Variants in PDZD2 observed in about 807,000 individuals in gnomAD.
PDZD2 encodes PDZ domain containing 2, also known as PDZ domain-containing protein 2.
In PDZD2, 90 loss-of-function variants were observed where a neutral mutation model predicts 220.7. The observed-to-expected ratio is 0.41, with a 90% CI of 0.34 to 0.49. The LOEUF (loss-of-function observed/expected upper bound fraction) is 0.49, where lower values mean the gene tolerates loss of function less well. Ranked by LOEUF, PDZD2 falls within the 20% of genes least tolerant of loss-of-function variation. The pLI, the probability that PDZD2 is intolerant of heterozygous loss-of-function variation, is 0.28. For synonymous variants in PDZD2, 1,375 were observed against 1,450.5 expected (o/e 0.95, Z 1.18); for missense variants, 3,174 against 3,608.5 (o/e 0.88, Z 3.08).
intron 1 of PDZD2, among the ~76,000 whole-genome samples, chr5:31,661,916 A>G (rs1745785262): frequency 6.6e-6 from 1 of 152,090 alleles, no homozygotes; most frequent in African/African-American, 2.4e-5. Context: ...CCAGACACCA[A>G]CACTCTCAGC....
intron 2 of PDZD2, among the ~76,000 whole-genome samples, chr5:31,890,161 A>T (rs1216639358): frequency 2.8e-5 from 2 of 71,956 alleles, no homozygotes; most frequent in Non-Finnish European, 5.9e-5. Context: ...TTTTGTGGAG[A>T]GAAATCCAAG....
chr5:31,665,748 G>A (rs554053263), intron 1 of PDZD2, among the ~76,000 whole-genome samples: 8 of 150,196 alleles, frequency 5.3e-5, no homozygotes, highest in African/African-American at 1.9e-4. Context: ...ACGCGGAACT[G>A]TGAACTAATT....
chr5:32,041,089 C>A (rs1488615095), intron 7 of PDZD2, among the ~76,000 whole-genome samples: 6 of 146,174 alleles, frequency 4.1e-5, no homozygotes, highest in Non-Finnish European at 7.5e-5. Context: ...GTCCGGCCGC[C>A]CCATCTAGGA....
At position 32,073,884 on chromosome 5, in the gene PDZD2, C is replaced by T. The variant is rs1427560245; in HGVS notation, c.2778C>T (p.Ser926=). The change falls in exon 18 of 25, where the codon AGC becomes AGT. Residue 926 remains serine (S), a synonymous_variant. Transcript: ENST00000438447. ...CCAACAGCCTCGTGACTCTTGGGAGCCATCGGGCTTCTGGGCTCTTCCACA... is the reference window on the plus strand; with the variant it reads ...CCAACAGCCTCGTGACTCTTGGGAGTCATCGGGCTTCTGGGCTCTTCCACA... ...PRANSLVTLG[S]HRASGLFHKQ... The T allele has an allele frequency of 6.2e-7, 1 of 1,614,046 alleles. No homozygotes were observed. Among genetic ancestry groups the T allele is most frequent in the Admixed American group, 1.7e-5 (1 of 60,028 alleles).
At chr5:32,039,815 G>A (rs1157085109) in intron 7 of PDZD2, among the ~76,000 whole-genome samples, 6 of 146,894 alleles carry the variant, frequency 4.1e-5, no homozygotes, top group Admixed American at 6.8e-5. Context: ...TGTGAGGAGC[G>A]CCTCTGCCTG....
chr5:31,928,305 G>A (rs771565120), intron 2 of PDZD2, among the ~76,000 whole-genome samples: 2 of 152,110 alleles, frequency 1.3e-5, no homozygotes, highest in Non-Finnish European at 2.9e-5. Flanking sequence ...CTGACCTCAG[G>A]TGATCCACCT....
At chr5:31,796,385 G>C (rs1754026704) in intron 1 of PDZD2, among the ~76,000 whole-genome samples, 1 of 152,184 alleles carries the variant, frequency 6.6e-6, no homozygotes, top group South Asian at 2.1e-4. Flanking sequence ...TCCCGGTCCT[G>C]CGCTTCTGCC....
At chr5:31,964,325 C>G (rs1404116610) in intron 2 of PDZD2, among the ~76,000 whole-genome samples, 1 of 152,212 alleles carries the variant, frequency 6.6e-6, no homozygotes, top group African/African-American at 2.4e-5. Flanking sequence ...GTAGATGAGC[C>G]TGAGGGACTC....
At chr5:32,025,705 A>C (rs1254339376) in intron 6 of PDZD2, among the ~76,000 whole-genome samples, 1 of 136,396 alleles carries the variant, frequency 7.3e-6, no homozygotes, top group African/African-American at 2.8e-5. Flanking sequence ...GTTTCAAGTG[A>C]TTCTCTTGCC....
chr5:31,773,120 G>A (rs939912601), intron 1 of PDZD2, among the ~76,000 whole-genome samples: 6 of 152,172 alleles, frequency 3.9e-5, no homozygotes, highest in South Asian at 2.1e-4. Context: ...GTCAAAAGTC[G>A]TTGGTACAGG....
intron 18 of PDZD2, 86 bp from the exon 19 acceptor site, chr5:32,077,376 A>G: frequency 7.1e-7 from 1 of 1,416,572 alleles, no homozygotes; most frequent in Non-Finnish European, 9.8e-7. Context: ...TTCCTGAACT[A>G]GCTCTGCTCT....
intron 18 of PDZD2, among the ~76,000 whole-genome samples, chr5:32,076,019 C>T (rs1373224855): frequency 6.6e-6 from 1 of 152,176 alleles, no homozygotes; most frequent in Non-Finnish European, 1.5e-5. Context: ...GGCACAGTGG[C>T]TCACGCCTGT....
intron 8 of PDZD2, among the ~76,000 whole-genome samples, chr5:32,051,241 G>A (rs1445870621): frequency 2.6e-5 from 4 of 151,958 alleles, no homozygotes; most frequent in African/African-American, 9.7e-5. Context: ...GCGATGTTTG[G>A]CCATCACTGC....
At chr5:31,898,890 C>T (rs1052761864) in intron 2 of PDZD2, among the ~76,000 whole-genome samples, 5 of 146,122 alleles carry the variant, frequency 3.4e-5, no homozygotes, top group East Asian at 4.0e-4. Context: ...AGTGCAGTGG[C>T]GATCTCGGCT....
At position 32,080,373 on chromosome 5, in the gene PDZD2, G is replaced by T. The variant is rs1040838638; in HGVS notation, c.3682+2767G>T. On this transcript the variant is annotated intron_variant, in intron 19 of 24. Coordinates refer to ENST00000438447, the MANE Select transcript of PDZD2 (RefSeq NM_178140.4). Reference sequence around the variant, plus strand: ...AAAAAAAAAAAAAAAAAAAAAAAGTGGGGGGTGAGGGGTTTCTATTTGAGG... The same window carrying T: ...AAAAAAAAAAAAAAAAAAAAAAAGTTGGGGGTGAGGGGTTTCTATTTGAGG... Among the ~76,000 whole-genome samples, 199 of 129,664 alleles carry T rather than the reference G, an allele frequency of 1.5e-3. 1 individual carries two copies. The highest frequency in any genetic ancestry group is 5.1e-3 in the African/African-American group (176 of 34,392). The allele number at this position is 129,664 out of a possible 152,430, so 85.1% of individuals were successfully genotyped here.
chr5:32,024,095 C>T (rs766604252), intron 6 of PDZD2, among the ~76,000 whole-genome samples: 2 of 152,152 alleles, frequency 1.3e-5, no homozygotes, highest in East Asian at 1.9e-4. Context: ...CATGATTGCC[C>T]CGTAGTGCAA....
At chr5:31,696,936 T>A (rs1747404865) in intron 1 of PDZD2, among the ~76,000 whole-genome samples, 2 of 152,254 alleles carry the variant, frequency 1.3e-5, no homozygotes, top group South Asian at 4.1e-4. Context: ...TCCAGGGTCA[T>A]TGCAGCCTCC....
intron 1 of PDZD2, among the ~76,000 whole-genome samples, chr5:31,738,004 C>A (rs1391053808): frequency 6.6e-6 from 1 of 152,220 alleles, no homozygotes. Context: ...TAAGTGCAAG[C>A]TTCAATCACC....
chr5:31,887,695 A>G (rs1740638661), intron 2 of PDZD2, among the ~76,000 whole-genome samples: 1 of 152,178 alleles, frequency 6.6e-6, no homozygotes, highest in African/African-American at 2.4e-5. Context: ...ATAGCTGTAC[A>G]GAGAACTGCC....
Sources: allele counts gnomAD v4.1 joint callset (sites outside exome capture counted in the v4.1 genomes callset), GRCh38; gene constraint gnomAD v4.1.1; transcripts MANE v1.5; gene names NCBI Gene and HGNC (gene_info 2026-07-23, HGNC 2026-07-21).